PTPN2: variants seen among roughly 807,000 people sequenced by gnomAD.
The protein encoded by PTPN2 is tyrosine-protein phosphatase non-receptor type 2.
A neutral mutation model predicts 57.3 loss-of-function variants in PTPN2; 19 were observed. The observed-to-expected ratio is 0.33, with a 90% CI of 0.23 to 0.49. The LOEUF is 0.49. Ranked by LOEUF, PTPN2 falls within the 20% of genes least tolerant of loss-of-function variation. PTPN2 has a pLI of 0.99. For synonymous variants in PTPN2, 153 were observed against 164.9 expected (o/e 0.93, Z 0.55); for missense variants, 358 against 501.1 (o/e 0.71, Z 2.73).
At chr18:12,799,658 C>T (rs921823690) in intron 8 of PTPN2, among the ~76,000 whole-genome samples, 2 of 151,080 alleles carry the variant, frequency 1.3e-5, no homozygotes, top group Non-Finnish European at 2.9e-5. Context: ...GATCTCGGCT[C>T]ACTGCAACCT....
chr18:12,870,267 A>ATGTGTG (rs1210158995), intron 1 of PTPN2, among the ~76,000 whole-genome samples: 1 of 96,374 alleles, frequency 1.0e-5, no homozygotes, highest in African/African-American at 5.9e-5. Flanking sequence ...GCATATATAT[A>ATGTGTG]TATATGTATA....
rs202089945 is a variant in PTPN2 at position 12,830,897 on chromosome 18, T to C, written c.360+46A>G. On this transcript the variant is annotated intron_variant, in intron 4 of 8. Coordinates refer to ENST00000309660, the MANE Select transcript of PTPN2 (RefSeq NM_002828.4). ...CAAAATGAAAATCTTTATATGCTAA[T>C]GATCACATACAGTATACTAAGTTGT... is the stretch of plus-strand genomic sequence containing the variant. 9.4e-5 allele frequency: 130 copies of C among 1,386,002 alleles called. No individual in the cohort carries two copies. In the East Asian group the frequency reaches 2.6e-3, roughly 28 times the overall value. The allele number at this position is 1,386,002 out of a possible 1,614,324, so 85.9% of individuals were successfully genotyped here. A position where few individuals can be genotyped will look rare whatever the true frequency, so the allele number is the denominator to read the frequency against.
At chr18:12,803,778 CAGG>C (rs1435999038) in intron 7 of PTPN2, among the ~76,000 whole-genome samples, 6 of 152,080 alleles carry the variant, frequency 3.9e-5, no homozygotes, top group Admixed American at 3.3e-4. Context: ...ACAATAATAG[CAGG>C]AGAACGCTAC....
Position 12,793,787 on chromosome 18 carries a change from T to C in PTPN2, c.*491A>G, listed in dbSNP as rs2041060757. The stretch of plus-strand genomic sequence containing the variant: ...ATTAAATAGATACTTATAAAATATA[T>C]TTACCCTGAAATGCTTAAGAATAAA... On this transcript the variant is annotated 3_prime_UTR_variant, in exon 9 of 9. Coordinates refer to ENST00000309660, the MANE Select transcript of PTPN2 (RefSeq NM_002828.4). 1 of 938,008 alleles carries C rather than the reference T, an allele frequency of 1.1e-6. No individual in the cohort carries two copies. Among genetic ancestry groups the C allele is most frequent in the Admixed American group, 5.9e-5 (1 of 17,032 alleles). 58.1% of individuals were successfully genotyped at this position (938,008 alleles called of 1,614,324 possible). A position where few individuals can be genotyped will look rare whatever the true frequency, so the allele number is the denominator to read the frequency against.
At chr18:12,843,715 C>A (rs2043124326) in intron 2 of PTPN2, among the ~76,000 whole-genome samples, 1 of 152,212 alleles carries the variant, frequency 6.6e-6, no homozygotes, top group Non-Finnish European at 1.5e-5. Flanking sequence ...CACCACAGAG[C>A]CCCACTCCTA....
At chr18:12,864,394 C>T (rs1013909946) in intron 1 of PTPN2, among the ~76,000 whole-genome samples, 5 of 151,396 alleles carry the variant, frequency 3.3e-5, no homozygotes, top group Non-Finnish European at 5.9e-5. Context: ...GTAAACATAC[C>T]TACTTTCCTT....
At chr18:12,843,973 CACCG>C (rs1304402259) in intron 2 of PTPN2, 1 of 152,238 alleles carries the variant, frequency 6.6e-6, no homozygotes, top group Non-Finnish European at 1.5e-5. Flanking sequence ...CACCCCTAAC[CACCG>C]ATCTGCTCTC....
intron 1 of PTPN2, among the ~76,000 whole-genome samples, chr18:12,866,295 G>A (rs375924886): frequency 9.2e-5 from 14 of 151,954 alleles, no homozygotes; most frequent in Admixed American, 2.6e-4. Flanking sequence ...AAAATTAGCC[G>A]GGTGTGGTGG....
chr18:12,874,259 T>G (rs2044389121), intron 1 of PTPN2, among the ~76,000 whole-genome samples: 1 of 128,808 alleles, frequency 7.8e-6, no homozygotes, highest in African/African-American at 3.0e-5. Flanking sequence ...GGTGGGGGGT[T>G]CAGCCCCCCG....
At chr18:12,834,907 G>A (rs2042800144) in intron 3 of PTPN2, among the ~76,000 whole-genome samples, 1 of 151,894 alleles carries the variant, frequency 6.6e-6, no homozygotes. Flanking sequence ...TATACACAAG[G>A]GACTGGCTCC....
intron 5 of PTPN2, among the ~76,000 whole-genome samples, chr18:12,822,127 C>T (rs2042290643): frequency 6.6e-6 from 1 of 151,952 alleles, no homozygotes; most frequent in Non-Finnish European, 1.5e-5. Flanking sequence ...TAGGAGAGAC[C>T]TAAGTAAGAA....
chr18:12,876,883 C>G (rs73406784), intron 1 of PTPN2, among the ~76,000 whole-genome samples: 1 of 152,162 alleles, frequency 6.6e-6, no homozygotes, highest in African/African-American at 2.4e-5. Context: ...ATAACACATC[C>G]ACTCCCTCCT....
intron 6 of PTPN2, 78 bp downstream of exon 6, chr18:12,817,078 G>C (rs964600652): frequency 1.6e-5 from 21 of 1,327,262 alleles, no homozygotes; most frequent in African/African-American, 5.9e-5. Context: ...TACAGCATCA[G>C]AGTTTATTCA....
chr18:12,814,029 G>A (rs2041982637), intron 7 of PTPN2, among the ~76,000 whole-genome samples, 174 bp downstream of exon 7: 1 of 152,188 alleles, frequency 6.6e-6, no homozygotes, highest in Non-Finnish European at 1.5e-5. Context: ...CTGAGGCTGA[G>A]TATATATGAG....
chr18:12,840,898 T>C lies in PTPN2; in HGVS notation c.161-4007A>G, dbSNP rs10502417. ...GTGCCGATGCAGTCCATGACATATC[T>C]TCTCTAACTAGACGCTCTGATGGAA... On this transcript the variant is annotated intron_variant, in intron 2 of 8. Transcript: ENST00000309660. The C allele has an allele frequency of 9.9e-4, 1,540 of 1,551,060 alleles. 36 individuals carry two copies. The Admixed American group carries it at 0.026, about 26-fold the overall frequency.
chr18:12,815,040 T>G (rs1182307271), intron 6 of PTPN2, among the ~76,000 whole-genome samples: 2 of 148,564 alleles, frequency 1.3e-5, no homozygotes, highest in Non-Finnish European at 3.0e-5. Flanking sequence ...GGTCAGATAG[T>G]GCCACTATAC....
chr18:12,788,425 A>G (rs2542158), downstream of PTPN2, among the ~76,000 whole-genome samples: 132,154 of 140,322 alleles, frequency 0.94, 62,277 homozygotes, highest in East Asian at 1. Context: ...AGAGAGGGGG[A>G]TCAGGGCTTT....
At position 12,882,683 on chromosome 18, in the gene PTPN2, T is replaced by G. The variant is rs1331759195; in HGVS notation, c.69+1390A>C. On this transcript the variant is annotated intron_variant, in intron 1 of 8. Transcript: ENST00000309660. ...TTGGAAGAGTCCTTACCAGCATTCT[T>G]TAAAACTTAGATCCCTATTCTAACA... Among the ~76,000 whole-genome samples the G allele has an allele frequency of 2.0e-5, 3 of 152,356 alleles. No homozygotes were observed. The East Asian group carries it at 5.8e-4, about 29-fold the overall frequency.
At chr18:12,873,746 C>A (rs2044360464) in intron 1 of PTPN2, among the ~76,000 whole-genome samples, 1 of 152,172 alleles carries the variant, frequency 6.6e-6, no homozygotes, top group Non-Finnish European at 1.5e-5. Context: ...TGCCTGGCCA[C>A]CCATCGTCTG....
Sources: allele counts gnomAD v4.1 joint callset (sites outside exome capture counted in the v4.1 genomes callset), GRCh38; gene constraint gnomAD v4.1.1; transcripts MANE v1.5; gene names NCBI Gene and HGNC (gene_info 2026-07-23, HGNC 2026-07-21).